The following PLXDC2 variants were observed in gnomAD, a reference collection of about 807,000 sequenced individuals.
The protein encoded by PLXDC2 is plexin domain containing 2.
In PLXDC2, 40 loss-of-function variants were observed where a neutral mutation model predicts 68.9. The observed-to-expected ratio is 0.58, with a 90% CI of 0.45 to 0.76. The LOEUF is 0.76. PLXDC2 is among the 30% of genes least tolerant of loss of function. The pLI, the probability that PLXDC2 is intolerant of heterozygous loss-of-function variation, is 0.00. For synonymous variants in PLXDC2, 243 were observed against 234.2 expected (o/e 1.04, Z -0.34); for missense variants, 644 against 661.9 (o/e 0.97, Z 0.30).
chr10:20,098,759 C>A (rs1012075731), intron 4 of PLXDC2, among the ~76,000 whole-genome samples: 4 of 152,086 alleles, frequency 2.6e-5, no homozygotes, highest in Admixed American at 6.6e-5. Context: ...TCCGTGCAGC[C>A]CTGGATGGCC....
Position 20,255,162 on chromosome 10 carries a change from T to A in PLXDC2, c.1473+9657T>A, listed in dbSNP as rs144479293. ...AAGACCATGAAAATCCATAGATGGA[T>A]AGATGGATGGATGGGTGGATAGGTG... On this transcript the variant is annotated intron_variant, in intron 13 of 13. Transcript: ENST00000377252. Among the ~76,000 whole-genome samples, 702 of 150,224 alleles carry A rather than the reference T, an allele frequency of 4.7e-3. 10 individuals carry two copies. Among genetic ancestry groups the A allele is most frequent in the African/African-American group, 0.014 (574 of 40,706 alleles).
intron 2 of PLXDC2, among the ~76,000 whole-genome samples, chr10:20,014,284 TTTCC>T (rs375865685): frequency 1.9e-3 from 275 of 142,152 alleles, no homozygotes; most frequent in East Asian, 0.018. Flanking sequence ...TCCTTCCTTT[TTTCC>T]TTCCTTCCTT....
intron 2 of PLXDC2, among the ~76,000 whole-genome samples, chr10:20,034,415 A>G (rs1271065932): frequency 3.9e-5 from 6 of 152,168 alleles, no homozygotes; most frequent in African/African-American, 1.4e-4. Context: ...AAATTAATTT[A>G]TTTGATTGCT....
intron 1 of PLXDC2, among the ~76,000 whole-genome samples, chr10:19,854,982 C>T (rs1026942431): frequency 1.3e-5 from 2 of 152,168 alleles, no homozygotes; most frequent in Non-Finnish European, 2.9e-5. Flanking sequence ...GAAGAAATCT[C>T]CCACAGTTCT....
chr10:20,016,473 G>A (rs758397203), intron 2 of PLXDC2, among the ~76,000 whole-genome samples: 9 of 152,266 alleles, frequency 5.9e-5, no homozygotes, highest in East Asian at 1.9e-4. Context: ...TTATAGCTTC[G>A]CCACTGGGAT....
rs117170366 is a variant in PLXDC2, at chr10:19,895,433, G to T, written c.112+78242G>T. 2.6e-4 allele frequency among the ~76,000 whole-genome samples: 39 copies of T among 152,194 alleles called. No homozygotes were observed. The East Asian group carries it at 7.2e-3, about 28-fold the overall frequency. ...TAGCCGTATATTTTTTTAAAGCCAA[G>T]CAATGGATGGATTTAATTTAAATAT... On this transcript the variant is annotated intron_variant, in intron 1 of 13. Coordinates refer to ENST00000377252, the MANE Select transcript of PLXDC2 (RefSeq NM_032812.9).
chr10:20,103,801 C>A (rs1186611731), intron 4 of PLXDC2, among the ~76,000 whole-genome samples: 1 of 152,124 alleles, frequency 6.6e-6, no homozygotes, highest in Non-Finnish European at 1.5e-5. Context: ...CGCCACCACG[C>A]CCAGCTAATT....
chr10:19,911,453 G>T (rs1243014959), intron 1 of PLXDC2, among the ~76,000 whole-genome samples: 1 of 151,992 alleles, frequency 6.6e-6, no homozygotes, highest in Non-Finnish European at 1.5e-5. Context: ...TTACTGTTTT[G>T]CCATATAAAA....
intron 1 of PLXDC2, among the ~76,000 whole-genome samples, chr10:19,903,744 G>A (rs1302409927): frequency 1.5e-5 from 2 of 129,568 alleles, no homozygotes; most frequent in Non-Finnish European, 3.4e-5. Flanking sequence ...GATTGTTCTT[G>A]TTTCTCCAGC....
chr10:20,054,794 G>A (rs1405915918), intron 3 of PLXDC2, among the ~76,000 whole-genome samples: 1 of 151,790 alleles, frequency 6.6e-6, no homozygotes, highest in Non-Finnish European at 1.5e-5. Context: ...CATGGCACAT[G>A]TATACATATG....
chr10:20,042,625 G>A (rs1269282355), intron 2 of PLXDC2, among the ~76,000 whole-genome samples: 1 of 151,990 alleles, frequency 6.6e-6, no homozygotes, highest in Non-Finnish European at 1.5e-5. Flanking sequence ...AGTTCTAAAT[G>A]AAATGAAGCT....
At position 20,140,160 on chromosome 10, in the gene PLXDC2, C is replaced by T. The variant is rs1833983269; in HGVS notation, c.542-3135C>T. On this transcript the variant is annotated intron_variant, in intron 4 of 13. Transcript: ENST00000377252. ...CTAAAAATACAAAAAATTAGCCGGGCGTGGTGGAGGGCGCCTGTAGTCTCA... is the reference window on the plus strand; with the variant it reads ...CTAAAAATACAAAAAATTAGCCGGGTGTGGTGGAGGGCGCCTGTAGTCTCA... 2.6e-5 allele frequency among the ~76,000 whole-genome samples: 4 copies of T among 151,856 alleles called. No homozygotes were observed. The South Asian group carries it at 6.2e-4, about 24-fold the overall frequency.
At chr10:19,966,417 A>AAAAAATATATATGTGCACATATAT (rs1834261198) in intron 1 of PLXDC2, among the ~76,000 whole-genome samples, 7 of 143,746 alleles carry the variant, frequency 4.9e-5, no homozygotes, top group South Asian at 2.1e-4. Flanking sequence ...GCACATATAT[A>AAAAAATATATATGTGCACATATAT]AAAAATATAT....
chr10:20,209,748 A>C (rs186588248), intron 9 of PLXDC2, among the ~76,000 whole-genome samples: 1 of 152,134 alleles, frequency 6.6e-6, no homozygotes, highest in African/African-American at 2.4e-5. Context: ...CAGTTAATGC[A>C]GTCATCACAG....
intron 4 of PLXDC2, among the ~76,000 whole-genome samples, chr10:20,107,672 C>G (rs1371181506): frequency 1.3e-5 from 2 of 152,158 alleles, no homozygotes; most frequent in African/African-American, 4.8e-5. Context: ...TTTCACCAGT[C>G]TTCCTGACAT....
chr10:19,883,883 A>ATTTTTTT (rs1564618531), intron 1 of PLXDC2, among the ~76,000 whole-genome samples: 1 of 41,906 alleles, frequency 2.4e-5, no homozygotes, highest in African/African-American at 1.5e-4. Flanking sequence ...ATCCCTTTAA[A>ATTTTTTT]CTTTTTTTTT....
chr10:20,219,035 G>A (rs762764562), intron 11 of PLXDC2, 29 bp from the exon 12 acceptor site: 1 of 1,605,154 alleles, frequency 6.2e-7, no homozygotes, highest in Non-Finnish European at 8.5e-7. Context: ...ATCCTTTTCT[G>A]TTATAGTAAC....
intron 1 of PLXDC2, among the ~76,000 whole-genome samples, chr10:19,877,677 G>A (rs2131348027): frequency 6.6e-6 from 1 of 152,344 alleles, no homozygotes; most frequent in East Asian, 1.9e-4. Context: ...GTTCCCGAAT[G>A]ACCTAATGGA....
At chr10:19,918,926 A>G (rs907684157) in intron 1 of PLXDC2, among the ~76,000 whole-genome samples, 1 of 152,224 alleles carries the variant, frequency 6.6e-6, no homozygotes, top group African/African-American at 2.4e-5. Flanking sequence ...GCATGACTGT[A>G]TTAAGTATAA....
Sources: gnomAD v4.1 joint callset for allele counts (sites outside exome capture counted in the v4.1 genomes callset) on GRCh38, gnomAD v4.1.1 for gene constraint, MANE v1.5 for transcripts, NCBI Gene and HGNC (gene_info 2026-07-23, HGNC 2026-07-21) for gene names.